SEPTIN4: variants seen among roughly 807,000 people sequenced by gnomAD.
SEPTIN4 encodes the protein septin 4.
A neutral mutation model predicts 107.1 loss-of-function variants in SEPTIN4; 52 were observed. That is an observed-to-expected ratio of 0.49 (90% CI 0.39 to 0.61). The LOEUF is 0.61. Ranked by LOEUF, SEPTIN4 falls within the 20% of genes least tolerant of loss-of-function variation. The probability of loss-of-function intolerance (pLI) is 0.00; values close to 1 mark genes in which losing one functional copy is unlikely to be tolerated. For synonymous variants in SEPTIN4, 417 were observed against 467.0 expected (o/e 0.89, Z 1.38); for missense variants, 1,048 against 1,243.5 (o/e 0.84, Z 2.36).
At chr17:58,533,294 G>A (rs1219797862) in intron 3 of SEPTIN4, among the ~76,000 whole-genome samples, 1 of 152,204 alleles carries the variant, frequency 6.6e-6, no homozygotes, top group Non-Finnish European at 1.5e-5. Flanking sequence ...CCAGCCGGTT[G>A]AGGAGAAACC....
At chr17:58,537,574 G>A (rs866877046) in intron 3 of SEPTIN4, among the ~76,000 whole-genome samples, 1 of 152,148 alleles carries the variant, frequency 6.6e-6, no homozygotes, top group Non-Finnish European at 1.5e-5. Context: ...ACTCATGCCT[G>A]TAATCCCAGC....
intron 2 of SEPTIN4, among the ~76,000 whole-genome samples, chr17:58,541,040 A>G (rs2144262500): frequency 6.6e-6 from 1 of 152,324 alleles, no homozygotes; most frequent in Admixed American, 6.5e-5. Context: ...CCAGTTAGAT[A>G]ACTCGAGTTC....
At position 58,520,443 on chromosome 17, in the gene SEPTIN4, T is replaced by C. The variant is rs1366414415; in HGVS notation, c.2974A>G (p.Met992Val). 1 of 1,613,188 alleles carries C rather than the reference T, an allele frequency of 6.2e-7. No individual in the cohort carries two copies. The highest frequency in any genetic ancestry group is 2.2e-5 in the East Asian group (1 of 44,902). Residue 992 changes from methionine (M) to valine (V), a missense_variant, in exon 14 of 14, where the codon ATG becomes GTG. This residue lies in a region of SEPTIN4 where 261 missense variants were observed against 371.7 expected (regional missense o/e 0.70). Coordinates refer to ENST00000672673, the MANE Select transcript of SEPTIN4 (RefSeq NM_001368771.2). ...QEMLHKIQKQMKENY is the reference protein window; with the variant it reads ...QEMLHKIQKQVKENY ...AAAGCCAGTTAATAGTTCTCCTTCA[T>C]CTGTTTTTGTATTTTGTGTAGCATC... is the stretch of plus-strand genomic sequence containing the variant.
intron 1 of SEPTIN4, among the ~76,000 whole-genome samples, chr17:58,542,384 T>C (rs1437395183): frequency 6.6e-6 from 1 of 152,196 alleles, no homozygotes; most frequent in East Asian, 1.9e-4. Flanking sequence ...GTAAGCAGTG[T>C]TGCCTGGAGG....
chr17:58,520,617 C>G, intron 13 of SEPTIN4, 126 bp downstream of exon 13: 1 of 1,497,818 alleles, frequency 6.7e-7, no homozygotes, highest in Non-Finnish European at 9.3e-7. Context: ...CTGGACAGAA[C>G]CACCTATTGA....
chr17:58,539,345 A>G, intron 3 of SEPTIN4: 1 of 539,844 alleles, frequency 1.9e-6, no homozygotes, highest in Non-Finnish European at 3.3e-6. Context: ...GAGCCTGCTC[A>G]GTCAAAAACA....
Position 58,542,015 on chromosome 17 carries a change from C to T in SEPTIN4, c.1562-49G>A, listed in dbSNP as rs749186099. On this transcript the variant is annotated intron_variant, in intron 1 of 13. Coordinates refer to ENST00000672673, the MANE Select transcript of SEPTIN4 (RefSeq NM_001368771.2). Reference sequence around the variant, plus strand: ...GCTTTTCTTCTCTCTGTGGGATGCACATCCCACTCTCCACTACTTGCAGCT... The same window carrying T: ...GCTTTTCTTCTCTCTGTGGGATGCATATCCCACTCTCCACTACTTGCAGCT... 18 of 1,590,178 alleles carry T rather than the reference C, an allele frequency of 1.1e-5. 1 individual carries two copies. Among genetic ancestry groups the T allele is most frequent in the Non-Finnish European group, 1.5e-5 (17 of 1,163,378 alleles).
At chr17:58,531,119 G>C (rs1162533393) in intron 3 of SEPTIN4, 1 of 152,312 alleles carries the variant, frequency 6.6e-6, no homozygotes, top group Non-Finnish European at 1.5e-5. Flanking sequence ...TTTGTGGCAG[G>C]CTCTGGCAAC....
At chr17:58,537,022 T>G (rs529151826) in intron 3 of SEPTIN4, among the ~76,000 whole-genome samples, 1 of 152,334 alleles carries the variant, frequency 6.6e-6, no homozygotes, top group Non-Finnish European at 1.5e-5. Flanking sequence ...ACCACACACC[T>G]TCTGAAAATA....
At chr17:58,522,868 G>T (rs977744915) in intron 7 of SEPTIN4, among the ~76,000 whole-genome samples, 5 of 151,882 alleles carry the variant, frequency 3.3e-5, no homozygotes, top group Admixed American at 2.0e-4. Flanking sequence ...AGTCTCCTTT[G>T]ACTATACCAA....
chr17:58,535,226 C>G (rs959671524), intron 3 of SEPTIN4, among the ~76,000 whole-genome samples: 10 of 152,208 alleles, frequency 6.6e-5, no homozygotes, highest in African/African-American at 2.4e-4. Context: ...TGGGGGCAGG[C>G]ATAAGGTGTG....
intron 3 of SEPTIN4, chr17:58,530,455 C>T (rs1462678612): frequency 1.3e-5 from 2 of 152,284 alleles, no homozygotes; most frequent in Non-Finnish European, 2.9e-5. Context: ...GACAAAGAGA[C>T]CCTCATAGAG....
intron 1 of SEPTIN4, 74 bp downstream of exon 1, chr17:58,542,552 G>A: frequency 5.9e-6 from 9 of 1,523,998 alleles, no homozygotes; most frequent in Non-Finnish European, 7.9e-6. Context: ...TGAAGAGGTG[G>A]TCTTTCCTGC....
At position 58,521,025 on chromosome 17, in the gene SEPTIN4, C is replaced by T. The variant is rs1403666307; in HGVS notation, c.2804G>A (p.Arg935His). ...YRAQCIQSMT[R>H]LVVKERNRNK... Reference sequence around the variant, plus strand: ...GCGATTCCGTTCCTTCACCACCAGGCGGGTCATGCTCTGGATGCACTGTGC... The same window carrying T: ...GCGATTCCGTTCCTTCACCACCAGGTGGGTCATGCTCTGGATGCACTGTGC... The change falls in exon 12 of 14, where the codon CGC (arginine) becomes CAC (histidine). Residue 935 changes from arginine (R) to histidine (H), a missense_variant. Physicochemically the swap from Arg to His is conservative, Grantham distance 29. Around this residue, in one of 2 missense-constraint regions of SEPTIN4, gnomAD observed 261 missense variants for 371.7 expected, o/e 0.70. Transcript: ENST00000672673. The surrounding 1 kb of genome is among the most constrained non-coding windows in gnomAD (Gnocchi z 6.4). 1.9e-5 allele frequency: 30 copies of T among 1,614,042 alleles called. No homozygotes were observed. The highest frequency in any genetic ancestry group is 2.2e-5 in the East Asian group (1 of 44,888).
chr17:58,533,376 G>A (rs1484350838), intron 3 of SEPTIN4, among the ~76,000 whole-genome samples: 1 of 152,160 alleles, frequency 6.6e-6, no homozygotes, highest in East Asian at 1.9e-4. Context: ...GAAAATGAGG[G>A]GATTAAACTA....
chr17:58,537,632 C>T (rs2144243212), intron 3 of SEPTIN4, among the ~76,000 whole-genome samples: 1 of 152,214 alleles, frequency 6.6e-6, no homozygotes, highest in Non-Finnish European at 1.5e-5. Flanking sequence ...GAGTTCGAGA[C>T]CAGCCTGACC....
rs60227371 is a variant in SEPTIN4 at position 58,524,912 on chromosome 17, C to T, written c.2216+166G>A. 2.7e-3 allele frequency: 2,209 copies of T among 803,804 alleles called. 35 individuals are homozygous for T. In the African/African-American group the frequency reaches 0.032, roughly 12 times the overall value. 49.8% of individuals were successfully genotyped at this position (803,804 alleles called of 1,614,324 possible). A position where few individuals can be genotyped will look rare whatever the true frequency, so the allele number is the denominator to read the frequency against. On this transcript the variant is annotated intron_variant, in intron 7 of 13. Transcript: ENST00000672673. Reference sequence around the variant, plus strand: ...AATCATCTATTCCAATCCTTTCCCTCTTACTTTATAAAGGAGGAGATGGCT... The same window carrying T: ...AATCATCTATTCCAATCCTTTCCCTTTTACTTTATAAAGGAGGAGATGGCT...
At chr17:58,527,970 A>C (rs190322969) in intron 3 of SEPTIN4, 1 of 985,318 alleles carries the variant, frequency 1.0e-6, no homozygotes, top group African/African-American at 1.8e-5. Context: ...GTTTCCCCCA[A>C]CTCTCATTGT....
chr17:58,528,237 G>A (rs1367006006), intron 3 of SEPTIN4: 1 of 157,190 alleles, frequency 6.4e-6, no homozygotes, highest in Non-Finnish European at 1.4e-5. Flanking sequence ...GAAGAATTGA[G>A]GGAGGCAGAT....
Sources: allele counts gnomAD v4.1 joint callset (sites outside exome capture counted in the v4.1 genomes callset), GRCh38; gene constraint gnomAD v4.1.1; regional missense constraint gnomAD v4.1.1; non-coding constraint Gnocchi (gnomAD v3.1); transcripts MANE v1.5; gene names NCBI Gene and HGNC (gene_info 2026-07-23, HGNC 2026-07-21).